Variants in PDS5B observed in about 807,000 individuals in gnomAD.
PDS5B encodes PDS5 cohesin associated factor B.
Under a neutral mutation model 184.1 loss-of-function variants are expected in PDS5B, and 51 were observed. The observed-to-expected ratio is 0.28, with a 90% CI of 0.22 to 0.35. The LOEUF (loss-of-function observed/expected upper bound fraction) is 0.35. Among genes scored for constraint, PDS5B ranks in the 10% least tolerant of loss-of-function variants. The pLI, the probability that PDS5B is intolerant of heterozygous loss-of-function variation, is 1.00. For missense variants in PDS5B, 1,180 were observed against 1,723.3 expected (o/e 0.68, Z 5.58); for synonymous variants, 566 against 569.2 (o/e 0.99, Z 0.08).
chr13:32,756,091 C>T (rs939906904), intron 26 of PDS5B, 135 bp downstream of exon 26: 16 of 506,286 alleles, frequency 3.2e-5, no homozygotes, highest in Non-Finnish European at 5.0e-5. Flanking sequence ...TTTATTTGCT[C>T]TCTTGTCTTT....
chr13:32,721,144 A>G (rs886149949), intron 19 of PDS5B, among the ~76,000 whole-genome samples: 9 of 152,216 alleles, frequency 5.9e-5, no homozygotes, highest in African/African-American at 2.2e-4. Flanking sequence ...CCCGTTCTCA[A>G]TGAGCTGTTG....
At chr13:32,716,358 G>A (rs1376652656) in intron 19 of PDS5B, among the ~76,000 whole-genome samples, 4 of 150,994 alleles carry the variant, frequency 2.6e-5, no homozygotes, top group South Asian at 2.1e-4. Context: ...CTGCGACCCC[G>A]TCTGGGAGGT....
At chr13:32,643,748 G>A (rs570359440) in intron 1 of PDS5B, among the ~76,000 whole-genome samples, 2 of 152,242 alleles carry the variant, frequency 1.3e-5, no homozygotes, top group Admixed American at 6.5e-5. Context: ...TATAGCCTAG[G>A]TATGTAGTAG....
At chr13:32,676,110 G>T (rs1951056962) in intron 9 of PDS5B, 151 bp downstream of exon 9, 1 of 553,644 alleles carries the variant, frequency 1.8e-6, no homozygotes, top group Non-Finnish European at 3.2e-6. Flanking sequence ...TTAATGACTG[G>T]CTATATTTAT....
intron 31 of PDS5B, among the ~76,000 whole-genome samples, chr13:32,765,255 A>G (rs867009652): frequency 1.1e-4 from 17 of 152,318 alleles, no homozygotes; most frequent in African/African-American, 4.1e-4. Context: ...ATAACTAATT[A>G]GGCTATCAGA....
At chr13:32,699,219 G>A (rs1029698635) in intron 15 of PDS5B, among the ~76,000 whole-genome samples, 1 of 152,122 alleles carries the variant, frequency 6.6e-6, no homozygotes, top group Non-Finnish European at 1.5e-5. Flanking sequence ...TTCCCATGCA[G>A]TAATGACTTA....
chr13:32,587,335 C>G lies in PDS5B; in HGVS notation c.-20+742C>G, dbSNP rs377047016. Among the ~76,000 whole-genome samples the G allele has an allele frequency of 6.8e-4, 103 of 152,290 alleles. 4 individuals are homozygous for G. In the South Asian group the frequency reaches 0.02, roughly 29 times the overall value. On this transcript the variant is annotated intron_variant, in intron 1 of 34. Coordinates refer to ENST00000315596, the MANE Select transcript of PDS5B (RefSeq NM_015032.4). ...CAGCCAGTTGAGGAAGAGCCCAGCA[C>G]TGGCGTGGAGGGACTCCTCCCAGGC...
chr13:32,697,395 C>T (rs1593451576), intron 15 of PDS5B, among the ~76,000 whole-genome samples: 1 of 152,132 alleles, frequency 6.6e-6, no homozygotes, highest in South Asian at 2.1e-4. Flanking sequence ...TCAGAGGTCA[C>T]TGTGTATAGC....
intron 7 of PDS5B, among the ~76,000 whole-genome samples, chr13:32,670,013 A>G (rs1566307083): frequency 1.3e-5 from 2 of 152,206 alleles, no homozygotes; most frequent in Non-Finnish European, 2.9e-5. Flanking sequence ...TAAAACAGCT[A>G]TTATTTACTC....
intron 1 of PDS5B, among the ~76,000 whole-genome samples, chr13:32,631,304 G>T (rs1479669462): frequency 5.9e-5 from 9 of 151,696 alleles, no homozygotes; most frequent in Admixed American, 5.9e-4. Flanking sequence ...TGTTGCCCAG[G>T]CTGGTCTCAA....
rs527938799 is a variant in PDS5B, at chr13:32,608,180, A to C, written c.-20+21587A>C. 2.4e-3 allele frequency among the ~76,000 whole-genome samples: 363 copies of C among 152,236 alleles called. 1 individual carries two copies. The highest frequency in any genetic ancestry group is 8.0e-3 in the African/African-American group (332 of 41,552). The stretch of plus-strand genomic sequence containing the variant: ...TCCTATTTGGCCATCTTGAAGAGGG[A>C]TCTTCAGTTAAATTCTTAAGTATTT... On this transcript the variant is annotated intron_variant, in intron 1 of 34. Transcript: ENST00000315596.
At chr13:32,635,467 C>T (rs1031205116) in intron 1 of PDS5B, among the ~76,000 whole-genome samples, 50 of 151,508 alleles carry the variant, frequency 3.3e-4, no homozygotes, top group Admixed American at 2.2e-3. Context: ...CCTCAGCCTC[C>T]GAGGTAGCTG....
intron 1 of PDS5B, among the ~76,000 whole-genome samples, chr13:32,589,875 G>A (rs1021180212): frequency 4.6e-5 from 7 of 151,146 alleles, no homozygotes; most frequent in African/African-American, 1.7e-4. Context: ...ACACTGTTCT[G>A]TTACAACCAC....
At chr13:32,771,035 T>A in intron 33 of PDS5B, 1 of 305,066 alleles carries the variant, frequency 3.3e-6, no homozygotes, top group Non-Finnish European at 6.0e-6. Flanking sequence ...TCATAAGGTA[T>A]TTTTAAATAA....
intron 9 of PDS5B, among the ~76,000 whole-genome samples, chr13:32,678,627 C>T (rs1444079332): frequency 6.6e-6 from 1 of 152,124 alleles, no homozygotes; most frequent in East Asian, 1.9e-4. Flanking sequence ...ATAGTTCTCA[C>T]AGGAGATTGC....
At chr13:32,651,114 C>A (rs561989830) in intron 2 of PDS5B, among the ~76,000 whole-genome samples, 1 of 152,260 alleles carries the variant, frequency 6.6e-6, no homozygotes, top group East Asian at 1.9e-4. Context: ...ATTCTATTTT[C>A]TATTCACCTT....
chr13:32,770,965 C>T (rs3752476), intron 33 of PDS5B: 231,566 of 557,012 alleles, frequency 0.42, 50,803 homozygotes, highest in African/African-American at 0.49. Flanking sequence ...GGCAAATCTT[C>T]ATAAATGAAT....
intron 33 of PDS5B, 190 bp downstream of exon 33, chr13:32,770,951 T>G (rs531156574): frequency 8.2e-5 from 48 of 584,386 alleles, no homozygotes; most frequent in Non-Finnish European, 1.3e-4. Flanking sequence ...TTTTTACAGG[T>G]GCAGGCAAAT....
intron 1 of PDS5B, among the ~76,000 whole-genome samples, chr13:32,597,518 T>C (rs9595890): frequency 0.34 from 51,576 of 149,974 alleles, 9,093 homozygotes; most frequent in Non-Finnish European, 0.39. Flanking sequence ...CACAGAGAGA[T>C]CCTGTCTCTT....
Sources: gnomAD v4.1 joint callset for allele counts (sites outside exome capture counted in the v4.1 genomes callset) on GRCh38, gnomAD v4.1.1 for gene constraint, MANE v1.5 for transcripts, NCBI Gene and HGNC (gene_info 2026-07-23, HGNC 2026-07-21) for gene names.